The following SYCP1 variants were observed in gnomAD, a reference collection of about 807,000 sequenced individuals.
SYCP1 encodes the protein synaptonemal complex protein 1, also known as cancer/testis antigen 8.
Under a neutral mutation model 153.1 loss-of-function variants are expected in SYCP1, and 64 were observed. The observed-to-expected ratio is 0.42, with a 90% CI of 0.34 to 0.51. The LOEUF (loss-of-function observed/expected upper bound fraction) is 0.51. Ranked by LOEUF, SYCP1 falls within the 20% of genes least tolerant of loss-of-function variation. The probability of loss-of-function intolerance (pLI) is 0.06; values close to 1 mark genes in which losing one functional copy is unlikely to be tolerated. For missense variants in SYCP1, 997 were observed against 1,049.0 expected (o/e 0.95, Z 0.68); for synonymous variants, 384 against 341.8 (o/e 1.12, Z -1.36).
intron 8 of SYCP1, among the ~76,000 whole-genome samples, chr1:114,865,579 T>A (rs1664688398): frequency 6.6e-6 from 1 of 152,212 alleles, no homozygotes. Flanking sequence ...ACTTGGGTAG[T>A]GTTTTATGCA....
rs773512940 is a variant in SYCP1, at chr1:114,944,853, T to G, written c.2044-19T>G. The G allele has an allele frequency of 5.9e-6, 9 of 1,521,168 alleles. No homozygotes were observed. The highest frequency in any genetic ancestry group is 8.0e-6 in the Non-Finnish European group (9 of 1,126,086). The allele number at this position is 1,521,168 out of a possible 1,614,324, so 94.2% of individuals were successfully genotyped here. On this transcript the variant is annotated intron_variant, in intron 24 of 31. Coordinates refer to ENST00000369522, the MANE Select transcript of SYCP1 (RefSeq NM_003176.4). ...GTGCATTTATTTTAAGAAACTTTTTTTTTTTGCTTATTTGATAGGTTGAGA... is the reference window on the plus strand; with the variant it reads ...GTGCATTTATTTTAAGAAACTTTTTGTTTTTGCTTATTTGATAGGTTGAGA...
intron 27 of SYCP1, among the ~76,000 whole-genome samples, chr1:114,970,732 G>A (rs920163339): frequency 2.0e-5 from 3 of 152,168 alleles, no homozygotes; most frequent in African/African-American, 7.2e-5. Flanking sequence ...TGGTAGTGGG[G>A]AGTGTCTGTG....
At chr1:114,980,095 A>T (rs1490266662) in intron 28 of SYCP1, among the ~76,000 whole-genome samples, 1 of 151,852 alleles carries the variant, frequency 6.6e-6, no homozygotes, top group Non-Finnish European at 1.5e-5. Flanking sequence ...AATGAAAGGC[A>T]GTAGGAGAAC....
At chr1:114,990,996 T>C (rs981957142) in intron 30 of SYCP1, among the ~76,000 whole-genome samples, 1 of 151,982 alleles carries the variant, frequency 6.6e-6, no homozygotes, top group Non-Finnish European at 1.5e-5. Flanking sequence ...ACGCATCTCT[T>C]TATCTGTATC....
At chr1:114,881,535 CCTTCCTTT>C (rs1271804241) in intron 12 of SYCP1, among the ~76,000 whole-genome samples, 3 of 151,448 alleles carry the variant, frequency 2.0e-5, no homozygotes, top group Admixed American at 1.3e-4. Flanking sequence ...TTCCTTCCTT[CCTTCCTTT>C]CTTGATGGAG....
intron 27 of SYCP1, among the ~76,000 whole-genome samples, chr1:114,957,261 T>C (rs1671500858): frequency 6.6e-6 from 1 of 152,190 alleles, no homozygotes; most frequent in Non-Finnish European, 1.5e-5. Context: ...GGTCTTGCTA[T>C]GTTGCCTAAA....
intron 6 of SYCP1, 155 bp from the exon 7 acceptor site, chr1:114,859,588 A>G (rs1222940644): frequency 3.4e-6 from 1 of 295,846 alleles, no homozygotes; most frequent in Non-Finnish European, 6.0e-6. Flanking sequence ...AAGGGAAATC[A>G]TAAGCTATTA....
At chr1:114,980,399 T>C (rs1403989049) in intron 28 of SYCP1, among the ~76,000 whole-genome samples, 1 of 151,866 alleles carries the variant, frequency 6.6e-6, no homozygotes, top group East Asian at 1.9e-4. Context: ...GGAAACTGAG[T>C]TGAAAAAATG....
chr1:114,943,063 A>G lies in SYCP1; in HGVS notation c.1927-1276A>G, dbSNP rs575074626. 1.1e-4 allele frequency among the ~76,000 whole-genome samples: 16 copies of G among 152,134 alleles called. No individual in the cohort carries two copies. The East Asian group carries it at 3.1e-3, about 29-fold the overall frequency. ...CATAATTTTCTGGAAAGTGCAAATTATACAACAAAACTTCAGTCAAATACT... is the reference window on the plus strand; with the variant it reads ...CATAATTTTCTGGAAAGTGCAAATTGTACAACAAAACTTCAGTCAAATACT... On this transcript the variant is annotated intron_variant, in intron 23 of 31. Coordinates refer to ENST00000369522, the MANE Select transcript of SYCP1 (RefSeq NM_003176.4).
At chr1:114,863,978 G>T (rs1664554964) in intron 8 of SYCP1, among the ~76,000 whole-genome samples, 1 of 150,984 alleles carries the variant, frequency 6.6e-6, no homozygotes, top group South Asian at 2.1e-4. Flanking sequence ...GTTGGGGGGT[G>T]GGGGGCAGGG....
At chr1:114,861,261 T>C (rs1005174234) in intron 8 of SYCP1, among the ~76,000 whole-genome samples, 1 of 152,180 alleles carries the variant, frequency 6.6e-6, no homozygotes, top group African/African-American at 2.4e-5. Context: ...TTTTAAAATA[T>C]TCTAATATGG....
chr1:114,895,743 A>G (rs1217909133), intron 16 of SYCP1, among the ~76,000 whole-genome samples: 1 of 152,124 alleles, frequency 6.6e-6, no homozygotes, highest in Non-Finnish European at 1.5e-5. Context: ...ATAGCACACT[A>G]AGATCAAATT....
At chr1:114,964,748 T>C (rs957175420) in intron 27 of SYCP1, among the ~76,000 whole-genome samples, 4 of 152,242 alleles carry the variant, frequency 2.6e-5, no homozygotes, top group Non-Finnish European at 1.5e-5. Flanking sequence ...ACCAGTACCA[T>C]GCTGTTTTGG....
At chr1:114,933,322 G>C (rs1669764903) in intron 23 of SYCP1, among the ~76,000 whole-genome samples, 1 of 152,220 alleles carries the variant, frequency 6.6e-6, no homozygotes, top group Non-Finnish European at 1.5e-5. Flanking sequence ...CAACAGACCT[G>C]CAGCTGAGAG....
chr1:114,918,204 G>A (rs1668635838), intron 20 of SYCP1, among the ~76,000 whole-genome samples: 1 of 151,820 alleles, frequency 6.6e-6, no homozygotes, highest in Admixed American at 6.6e-5. Context: ...TCTGCATATG[G>A]ATATATGGAT....
chr1:114,992,618 A>G (rs902609307), intron 30 of SYCP1, among the ~76,000 whole-genome samples: 2 of 151,514 alleles, frequency 1.3e-5, no homozygotes, highest in African/African-American at 2.4e-5. Flanking sequence ...GATCCTTTAT[A>G]TCATATAAAA....
At chr1:114,860,027 A>G (rs1664269194) in intron 7 of SYCP1, among the ~76,000 whole-genome samples, 1 of 152,202 alleles carries the variant, frequency 6.6e-6, no homozygotes, top group Non-Finnish European at 1.5e-5. Context: ...TTAAAATGTC[A>G]GGCATCAGGA....
intron 27 of SYCP1, among the ~76,000 whole-genome samples, chr1:114,957,750 A>G (rs1280476214): frequency 6.6e-6 from 1 of 152,172 alleles, no homozygotes; most frequent in Admixed American, 6.5e-5. Context: ...CCTCACACCT[A>G]TTAGGATGGC....
In SYCP1 at chr1:114,855,436, A is replaced by G. The variant is rs745824011; in HGVS notation, c.-24-5A>G. 7.4e-5 allele frequency: 117 copies of G among 1,581,060 alleles called. No individual in the cohort carries two copies. Among genetic ancestry groups the G allele is most frequent in the Non-Finnish European group, 9.3e-5 (107 of 1,155,988 alleles). ...CCTTCCCCTCCCGCCCCCCCGGGGC[A>G]GTAGATATTTACAACCGTAACAGAG... On this transcript the variant is annotated splice_region_variant and splice_polypyrimidine_tract_variant and intron_variant, in intron 1 of 31. Transcript: ENST00000369522.
Sources: allele counts gnomAD v4.1 joint callset (sites outside exome capture counted in the v4.1 genomes callset), GRCh38; gene constraint gnomAD v4.1.1; transcripts MANE v1.5; gene names NCBI Gene and HGNC (gene_info 2026-07-23, HGNC 2026-07-21).